The following AP2A1 variants were observed in gnomAD, a reference collection of about 807,000 sequenced individuals.
The protein encoded by AP2A1 is adaptor related protein complex 2 subunit alpha 1, also known as AP-2 complex subunit alpha-1.
Under a neutral mutation model 107.3 loss-of-function variants are expected in AP2A1, and 21 were observed. That is an observed-to-expected ratio of 0.20 (90% CI 0.14 to 0.28). AP2A1 has a LOEUF of 0.28. Ranked by LOEUF, AP2A1 falls within the 10% of genes least tolerant of loss-of-function variation. AP2A1 has a pLI of 1.00. For synonymous variants in AP2A1, 602 were observed against 564.8 expected (o/e 1.07, Z -0.93); for missense variants, 873 against 1,307.7 (o/e 0.67, Z 5.13).
intron 6 of AP2A1, among the ~76,000 whole-genome samples, chr19:49,794,921 C>A (rs914211851): frequency 2.6e-5 from 4 of 152,182 alleles, no homozygotes; most frequent in Non-Finnish European, 4.4e-5. Context: ...CCTTGGCCTC[C>A]CAAAGTGCTG....
Position 49,806,891 on chromosome 19 carries a change from C to T in AP2A1, c.*133C>T. ...TTTGGGGGATGCCTGGGACTTTCCT[C>T]CGGCCTTTTGTATTTTTATTTTTGT... On this transcript the variant is annotated 3_prime_UTR_variant, in exon 23 of 23. Transcript: ENST00000354293. 3.9e-6 allele frequency: 6 copies of T among 1,546,344 alleles called. No homozygotes were observed. The highest frequency in any genetic ancestry group is 5.2e-6 in the Non-Finnish European group (6 of 1,150,646).
rs976276654 is a variant in AP2A1, at chr19:49,788,698, C to T, written c.474-3237C>T. 4.0e-5 allele frequency among the ~76,000 whole-genome samples: 6 copies of T among 151,682 alleles called. No homozygotes were observed. The highest frequency in any genetic ancestry group is 3.9e-4 in the East Asian group (2 of 5,166). ...GGGAAGGTGGCCCAGAGTCAGGGCT[C>T]GGGAGATGCGCGCCGTGACGGAGAT... On this transcript the variant is annotated intron_variant, in intron 4 of 22. Transcript: ENST00000354293. This position sits in a 1 kb window ranked among gnomAD's most constrained non-coding sequence, Gnocchi z 4.5.
chr19:49,769,363 G>C (rs570144943), intron 1 of AP2A1, among the ~76,000 whole-genome samples: 1 of 152,290 alleles, frequency 6.6e-6, no homozygotes, highest in African/African-American at 2.4e-5. Context: ...GGACCTGACT[G>C]GTTCTGTGAA....
intron 22 of AP2A1, 63 bp downstream of exon 22, chr19:49,806,316 C>T (rs1568591941): frequency 6.7e-7 from 1 of 1,494,704 alleles, no homozygotes; most frequent in Non-Finnish European, 8.9e-7. Context: ...CTGCGTCCAC[C>T]CTTCCTGCCT....
chr19:49,782,898 G>A (rs536196482), intron 4 of AP2A1, among the ~76,000 whole-genome samples, 174 bp downstream of exon 4: 6 of 152,204 alleles, frequency 3.9e-5, no homozygotes, highest in African/African-American at 9.7e-5. Context: ...GTCTCTTCCC[G>A]TGATACGAAG....
intron 8 of AP2A1, among the ~76,000 whole-genome samples, 173 bp downstream of exon 8, chr19:49,799,125 G>C (rs1336073351): frequency 3.3e-5 from 5 of 152,168 alleles, no homozygotes; most frequent in Admixed American, 3.3e-4. Flanking sequence ...GCCCTTCCTG[G>C]GGGCAGAATT....
intron 1 of AP2A1, among the ~76,000 whole-genome samples, chr19:49,768,134 T>G (rs535769106): frequency 6.6e-5 from 10 of 151,754 alleles, no homozygotes; most frequent in Non-Finnish European, 1.3e-4. Flanking sequence ...CAGAGAGAGG[T>G]CAGGGGTCAG....
At chr19:49,799,277 T>C (rs1158960953) in intron 8 of AP2A1, 50 bp from the exon 9 acceptor site, 3 of 1,587,564 alleles carry the variant, frequency 1.9e-6, no homozygotes, top group Non-Finnish European at 2.6e-6. Flanking sequence ...TCCTCCACCT[T>C]CTCCTGTCAG....
Position 49,800,004 on chromosome 19 carries a change from G to A in AP2A1, c.1309G>A (p.Val437Met), listed in dbSNP as rs774463341. 6 of 1,613,990 alleles carry A rather than the reference G, an allele frequency of 3.7e-6. No individual in the cohort carries two copies. The highest frequency in any genetic ancestry group is 1.7e-5 in the Admixed American group (1 of 60,028). Residue 437 changes from valine (V) to methionine (M), a missense_variant, in exon 11 of 23, where the codon GTG becomes ATG. Val to Met is a conservative substitution (Grantham distance 21). Coordinates refer to ENST00000354293, the MANE Select transcript of AP2A1 (RefSeq NM_130787.3). The stretch of plus-strand genomic sequence containing the variant: ...GGCCATCCTGGCCGAGAAGTACGCC[G>A]TGGACTACAGCTGGTACGTGGACAC... ...KVAILAEKYA[V>M]DYSWYVDTIL...
intron 11 of AP2A1, chr19:49,800,722 C>T (rs966052464): frequency 2.8e-5 from 12 of 428,848 alleles, no homozygotes; most frequent in Admixed American, 1.3e-4. Flanking sequence ...CTGCCCGCCT[C>T]GGCCTCCCAA....
chr19:49,804,540 G>GAA lies in AP2A1; in HGVS notation c.2345-897_2345-896dup, dbSNP rs35767806. 7.7e-3 allele frequency: 1,082 copies of GAA among 139,792 alleles called. 6 individuals are homozygous for GAA. Among genetic ancestry groups the GAA allele is most frequent in the African/African-American group, 0.025 (919 of 37,456 alleles). The allele number at this position is 139,792 out of a possible 1,614,324, so 8.7% of individuals were successfully genotyped here. ...GGGCGACAGCGAGACTCCGTCTCAG[G>GAA]AAAAAAAAAAAAAAAAATTCCTTCT... On this transcript the variant is annotated intron_variant, in intron 18 of 22. Transcript: ENST00000354293.
rs1380770997 is a variant in AP2A1, at chr19:49,794,004, C to T, written c.705+912C>T. The stretch of plus-strand genomic sequence containing the variant: ...TCACTGCAAGCTCCCAGGTTCACGC[C>T]ATTCTCCAGCCTTAGCCTCCCGAGT... On this transcript the variant is annotated intron_variant, in intron 6 of 22. Coordinates refer to ENST00000354293, the MANE Select transcript of AP2A1 (RefSeq NM_130787.3). 5.3e-5 allele frequency among the ~76,000 whole-genome samples: 8 copies of T among 150,376 alleles called. No individual in the cohort carries two copies. The East Asian group carries it at 1.6e-3, about 30-fold the overall frequency.
rs2084726515 is a variant in AP2A1, at chr19:49,785,548, G to A, written c.473+2824G>A. ...GACATCTGAGTAGGACTCTGGGGAG[G>A]AAGTTGGATTGCAGGGAGTCAGGGC... On this transcript the variant is annotated intron_variant, in intron 4 of 22. Coordinates refer to ENST00000354293, the MANE Select transcript of AP2A1 (RefSeq NM_130787.3). This position sits in a 1 kb window ranked among gnomAD's most constrained non-coding sequence, Gnocchi z 4.1. 6.6e-6 allele frequency among the ~76,000 whole-genome samples: 1 copy of A among 152,076 alleles called. No individual in the cohort carries two copies. The highest frequency in any genetic ancestry group is 2.1e-4 in the South Asian group (1 of 4,826).
At chr19:49,779,487 C>CAAAAAA (rs370114853) in intron 1 of AP2A1, among the ~76,000 whole-genome samples, 124 of 83,544 alleles carry the variant, frequency 1.5e-3, no homozygotes, top group Non-Finnish European at 1.7e-3. Flanking sequence ...GCCTGGGCTA[C>CAAAAAA]AAAAAAAAAA....
At chr19:49,806,552 A>T in intron 22 of AP2A1, 129 bp from the exon 23 acceptor site, 1 of 1,487,300 alleles carries the variant, frequency 6.7e-7, no homozygotes, top group South Asian at 1.4e-5. Context: ...TCAGTCTTAC[A>T]TTTTTCTCTC....
At chr19:49,792,270 G>A (rs1424068864) in intron 5 of AP2A1, among the ~76,000 whole-genome samples, 6 of 117,642 alleles carry the variant, frequency 5.1e-5, no homozygotes, top group African/African-American at 1.3e-4. Context: ...CAGCCCTCAC[G>A]CCCCCTGGAT....
Position 49,782,136 on chromosome 19 carries a change from G to A in AP2A1, c.279+47G>A, listed in dbSNP as rs114101688. The A allele has an allele frequency of 3.7e-4, 538 of 1,466,910 alleles. 1 individual carries two copies. The African/African-American group carries it at 6.1e-3, about 17-fold the overall frequency. The allele number at this position is 1,466,910 out of a possible 1,614,324, so 90.9% of individuals were successfully genotyped here. ...CCAGGGCCTGGACTCCTGGGTCTGC[G>A]GGGGAGGGGGCTGGAGGTCTGGACT... On this transcript the variant is annotated intron_variant, in intron 3 of 22. Coordinates refer to ENST00000354293, the MANE Select transcript of AP2A1 (RefSeq NM_130787.3).
intron 18 of AP2A1, chr19:49,803,792 A>G (rs2073323819): frequency 3.5e-6 from 1 of 286,672 alleles, no homozygotes; most frequent in Admixed American, 4.8e-5. Flanking sequence ...CCCGCTGTGA[A>G]GTGTATGTAG....
At chr19:49,774,431 G>T (rs1055008914) in intron 1 of AP2A1, among the ~76,000 whole-genome samples, 1 of 152,088 alleles carries the variant, frequency 6.6e-6, no homozygotes. Flanking sequence ...GAATGAGAGG[G>T]TTTGATTTTG....
Sources: allele counts gnomAD v4.1 joint callset (sites outside exome capture counted in the v4.1 genomes callset), GRCh38; gene constraint gnomAD v4.1.1; non-coding constraint Gnocchi (gnomAD v3.1); transcripts MANE v1.5; gene names NCBI Gene and HGNC (gene_info 2026-07-23, HGNC 2026-07-21).